ATL1: variants seen among roughly 807,000 people sequenced by gnomAD.
ATL1 encodes atlastin GTPase 1.
ATL1 carries 31 observed loss-of-function variants against 75.5 expected under a neutral mutation model. That is an observed-to-expected ratio of 0.41 (90% CI 0.31 to 0.55). ATL1 has a LOEUF of 0.55. Among genes scored for constraint, ATL1 ranks in the 20% least tolerant of loss-of-function variants. The pLI is 0.27. For synonymous variants in ATL1, 226 were observed against 233.3 expected (o/e 0.97, Z 0.28); for missense variants, 405 against 662.6 (o/e 0.61, Z 4.27).
intron 6 of ATL1, among the ~76,000 whole-genome samples, chr14:50,602,174 T>C (rs148476507): frequency 1.3e-5 from 2 of 152,334 alleles, no homozygotes; most frequent in East Asian, 1.9e-4. Flanking sequence ...CTTCCTCTAA[T>C]GCTCTGCTAA....
chr14:50,585,448 A>G (rs1341789634), intron 1 of ATL1, among the ~76,000 whole-genome samples: 1 of 152,312 alleles, frequency 6.6e-6, no homozygotes, highest in East Asian at 1.9e-4. Flanking sequence ...TCATAATTAA[A>G]TCATAGGCAA....
intron 11 of ATL1, among the ~76,000 whole-genome samples, chr14:50,627,559 T>C (rs1288005528): frequency 6.6e-6 from 1 of 152,230 alleles, no homozygotes; most frequent in Non-Finnish European, 1.5e-5. Flanking sequence ...TAAAAATCAG[T>C]AAAACTGCTA....
intron 6 of ATL1, among the ~76,000 whole-genome samples, chr14:50,602,857 CCTGGGTTAGAATCATTT>C (rs760571086): frequency 1.3e-5 from 2 of 151,976 alleles, no homozygotes; most frequent in Non-Finnish European, 2.9e-5. Context: ...GTTTTAGGCA[CCTGGGTTAGAATCATTT>C]CTGAGCCATG....
At position 50,596,306 on chromosome 14, in the gene ATL1, T is replaced by TA. The variant is rs77747493; in HGVS notation, c.630+686dup. Reference sequence around the variant, plus strand: ...CAACATAGTGAGAGATGGTGTCTCTTAAAAAAAAAAAATTCTAAATTTGTA... The same window carrying TA: ...CAACATAGTGAGAGATGGTGTCTCTTAAAAAAAAAAAAATTCTAAATTTGTA... On this transcript the variant is annotated intron_variant, in intron 6 of 13. Coordinates refer to ENST00000358385, the MANE Select transcript of ATL1 (RefSeq NM_015915.5). Among the ~76,000 whole-genome samples the TA allele has an allele frequency of 6.9e-4, 100 of 145,598 alleles. 1 individual carries two copies. The highest frequency in any genetic ancestry group is 1.4e-3 in the Admixed American group (21 of 14,546).
At chr14:50,606,559 GAC>G (rs1407110378) in intron 6 of ATL1, among the ~76,000 whole-genome samples, 2 of 152,000 alleles carry the variant, frequency 1.3e-5, no homozygotes. Context: ...GCATTGAAAA[GAC>G]AGAGAGTGTC....
chr14:50,595,299 T>C (rs1018407198), intron 5 of ATL1, among the ~76,000 whole-genome samples: 2 of 152,142 alleles, frequency 1.3e-5, no homozygotes, highest in Non-Finnish European at 2.9e-5. Context: ...TTTTAAAATA[T>C]GAAAGTGTTA....
intron 1 of ATL1, 179 bp downstream of exon 1, chr14:50,560,478 C>T (rs1386522405): frequency 2.5e-6 from 2 of 811,146 alleles, no homozygotes; most frequent in Non-Finnish European, 2.0e-6. Flanking sequence ...GCGGTACCCG[C>T]GTCACCGAAT....
chr14:50,615,347 G>T (rs2039404946), intron 8 of ATL1, among the ~76,000 whole-genome samples: 2 of 152,164 alleles, frequency 1.3e-5, no homozygotes, highest in Admixed American at 1.3e-4. Context: ...GGCATTACAA[G>T]CTTTTCAGCA....
intron 6 of ATL1, among the ~76,000 whole-genome samples, chr14:50,598,887 G>C (rs1425983360): frequency 7.0e-6 from 1 of 143,254 alleles, no homozygotes; most frequent in Admixed American, 7.0e-5. Flanking sequence ...GGAAAAACAA[G>C]TTCACTATTT....
At chr14:50,595,488 C>T (rs1328233039) in intron 5 of ATL1, 88 bp from the exon 6 acceptor site, 5 of 1,222,548 alleles carry the variant, frequency 4.1e-6, no homozygotes, top group Non-Finnish European at 6.0e-6. Flanking sequence ...TGAAAGAAAG[C>T]CAAGAATTAA....
intron 1 of ATL1, among the ~76,000 whole-genome samples, chr14:50,538,023 C>T (rs1404895491): frequency 1.2e-4 from 19 of 152,008 alleles, no homozygotes; most frequent in South Asian, 4.1e-4. Flanking sequence ...TGGGAGGGGC[C>T]GGGGGCAGAA....
Position 50,613,309 on chromosome 14 carries a change from T to C in ATL1, c.681T>C (p.Tyr227=), listed in dbSNP as rs2039383648. 2.5e-6 allele frequency: 4 copies of C among 1,613,364 alleles called. No homozygotes were observed. The highest frequency in any genetic ancestry group is 2.2e-5 in the South Asian group (2 of 91,070). ...RDWSFPYEFS[Y]GADGGAKFLE... Reference sequence around the variant, plus strand: ...GGAGTTTCCCATACGAATTTTCATATGGAGCCGATGGTGGTGCCAAATTCT... The same window carrying C: ...GGAGTTTCCCATACGAATTTTCATACGGAGCCGATGGTGGTGCCAAATTCT... Residue 227 remains tyrosine, a synonymous_variant, in exon 7 of 14, where the codon TAT becomes TAC. Coordinates refer to ENST00000358385, the MANE Select transcript of ATL1 (RefSeq NM_015915.5).
intron 1 of ATL1, among the ~76,000 whole-genome samples, chr14:50,540,263 G>C (rs769160593): frequency 7.2e-5 from 11 of 152,180 alleles, no homozygotes; most frequent in Non-Finnish European, 1.2e-4. Flanking sequence ...GAGTCTCTAG[G>C]AATGAATAAA....
chr14:50,591,770 A>G, intron 4 of ATL1, 131 bp downstream of exon 4: 1 of 674,248 alleles, frequency 1.5e-6, no homozygotes. Flanking sequence ...CTCAATTAGC[A>G]TACGAGTTCT....
In ATL1 at chr14:50,628,577, T is replaced by C. The variant is rs770780062; in HGVS notation, c.1551+115T>C. 2.7e-6 allele frequency: 3 copies of C among 1,102,538 alleles called. No homozygotes were observed. The South Asian group carries it at 4.0e-5, about 15-fold the overall frequency. The allele number at this position is 1,102,538 out of a possible 1,614,324, so 68.3% of individuals were successfully genotyped here. ...ATCAACAGGAATTGGGCCCCAGTCA[T>C]CAAGAATGTTATGACCTGCCCAGAT... On this transcript the variant is annotated intron_variant, in intron 12 of 13. Transcript: ENST00000358385.
intron 1 of ATL1, among the ~76,000 whole-genome samples, chr14:50,563,455 C>T (rs2038871100): frequency 6.6e-6 from 1 of 152,126 alleles, no homozygotes; most frequent in Non-Finnish European, 1.5e-5. Context: ...AGACAGTGAA[C>T]TGACCTTATC....
chr14:50,569,400 C>T (rs929382822), intron 1 of ATL1, among the ~76,000 whole-genome samples: 5 of 139,928 alleles, frequency 3.6e-5, no homozygotes, highest in African/African-American at 1.3e-4. Flanking sequence ...GCTTGGGCAA[C>T]AGAGAAAGAC....
intron 1 of ATL1, among the ~76,000 whole-genome samples, chr14:50,571,246 G>T (rs982931416): frequency 6.6e-6 from 1 of 152,252 alleles, no homozygotes; most frequent in South Asian, 2.1e-4. Flanking sequence ...GAGGACAGGG[G>T]TTCTTATTCC....
chr14:50,621,424 A>G (rs997463265), intron 9 of ATL1, among the ~76,000 whole-genome samples: 7 of 152,268 alleles, frequency 4.6e-5, no homozygotes, highest in Admixed American at 3.9e-4. Context: ...AATCTAAAAT[A>G]TGAATTTTTA....
Sources: allele counts gnomAD v4.1 joint callset (sites outside exome capture counted in the v4.1 genomes callset), GRCh38; gene constraint gnomAD v4.1.1; transcripts MANE v1.5; gene names NCBI Gene and HGNC (gene_info 2026-07-23, HGNC 2026-07-21).